RALYL: variants seen among roughly 807,000 people sequenced by gnomAD.
RALYL encodes RALY RNA binding protein like, also known as RNA-binding Raly-like protein.
Under a neutral mutation model 35.1 loss-of-function variants are expected in RALYL, and 29 were observed. The ratio of observed to expected loss-of-function variants is 0.83; its 90% CI spans 0.61 to 1.13. RALYL has a LOEUF of 1.13. Among genes scored for constraint, RALYL ranks in the 50% most tolerant of loss-of-function variants. The pLI is 0.00. For missense variants in RALYL, 359 were observed against 360.4 expected, an observed-to-expected ratio of 1.00 and a Z score of 0.03; for synonymous variants, 120 against 127.6, an observed-to-expected ratio of 0.94 and a Z score of 0.40.
At chr8:84,467,831 A>G (rs1453477400) in intron 1 of RALYL, among the ~76,000 whole-genome samples, 5 of 139,462 alleles carry the variant, frequency 3.6e-5, no homozygotes, top group African/African-American at 1.4e-4. Flanking sequence ...GTGCTCCTGT[A>G]TTGGGTGCAT....
chr8:84,229,138 T>G (rs1010694125), intron 1 of RALYL, among the ~76,000 whole-genome samples: 1 of 152,180 alleles, frequency 6.6e-6, no homozygotes, highest in Non-Finnish European at 1.5e-5. Context: ...ATGCATTTAG[T>G]CAATTAATCA....
At chr8:84,381,440 TC>T (rs541395532) in intron 1 of RALYL, among the ~76,000 whole-genome samples, 57 of 151,984 alleles carry the variant, frequency 3.8e-4, no homozygotes, top group African/African-American at 1.0e-3. Flanking sequence ...TCTTTCAGTT[TC>T]TCCATCTTTC....
At chr8:84,891,050 A>T (rs964240813) in intron 8 of RALYL, among the ~76,000 whole-genome samples, 1 of 152,184 alleles carries the variant, frequency 6.6e-6, no homozygotes, top group Non-Finnish European at 1.5e-5. Context: ...AGGGACCGAG[A>T]TATTTCAGAG....
chr8:84,675,696 A>G (rs895034642), intron 2 of RALYL, among the ~76,000 whole-genome samples: 1 of 152,112 alleles, frequency 6.6e-6, no homozygotes, highest in Admixed American at 6.5e-5. Flanking sequence ...TCACATCCAA[A>G]AAGTTTGTCT....
At chr8:84,910,900 T>G (rs1004706744) in intron 8 of RALYL, among the ~76,000 whole-genome samples, 15 of 152,162 alleles carry the variant, frequency 9.9e-5, no homozygotes, top group African/African-American at 3.6e-4. Context: ...TACCCAGAAT[T>G]TTAAATGATT....
chr8:84,737,571 C>T (rs1766806118), intron 2 of RALYL, among the ~76,000 whole-genome samples: 1 of 151,936 alleles, frequency 6.6e-6, no homozygotes, highest in South Asian at 2.1e-4. Flanking sequence ...ATTAGCCTAA[C>T]TTTAAATCTA....
chr8:84,539,862 A>ATATATATATGTG (rs1564110500), intron 2 of RALYL, among the ~76,000 whole-genome samples: 4 of 58,620 alleles, frequency 6.8e-5, no homozygotes, highest in African/African-American at 2.0e-4. Context: ...ATGTATATAT[A>ATATATATATGTG]TATATATATA....
chr8:84,279,390 A>C (rs1585885728), intron 1 of RALYL, among the ~76,000 whole-genome samples: 1 of 152,170 alleles, frequency 6.6e-6, no homozygotes, highest in African/African-American at 2.4e-5. Flanking sequence ...TGTCCATATT[A>C]AAGAGTTTTT....
intron 1 of RALYL, among the ~76,000 whole-genome samples, chr8:84,303,898 T>C (rs769355688): frequency 3.3e-5 from 5 of 152,296 alleles, no homozygotes; most frequent in Non-Finnish European, 5.9e-5. Context: ...TGACACTTTC[T>C]CTTTTTATTG....
At chr8:84,201,899 C>T (rs192065387) in intron 1 of RALYL, among the ~76,000 whole-genome samples, 1 of 152,006 alleles carries the variant, frequency 6.6e-6, no homozygotes, top group East Asian at 1.9e-4. Context: ...TCTCTTTGTC[C>T]CTAAAAGATA....
At chr8:84,292,954 G>A (rs191798861) in intron 1 of RALYL, among the ~76,000 whole-genome samples, 1 of 152,038 alleles carries the variant, frequency 6.6e-6, no homozygotes, top group African/African-American at 2.4e-5. Context: ...AATCTCCAGT[G>A]AAATAACTCC....
chr8:84,269,556 A>G (rs1198638328), intron 1 of RALYL, among the ~76,000 whole-genome samples: 1 of 152,204 alleles, frequency 6.6e-6, no homozygotes, highest in East Asian at 1.9e-4. Context: ...TATAAACCAC[A>G]TGCTGTCAAT....
At chr8:84,390,926 T>A (rs1860532405) in intron 1 of RALYL, among the ~76,000 whole-genome samples, 1 of 151,986 alleles carries the variant, frequency 6.6e-6, no homozygotes, top group Non-Finnish European at 1.5e-5. Flanking sequence ...AGCAGTCATC[T>A]CAATGTTCAC....
intron 1 of RALYL, among the ~76,000 whole-genome samples, chr8:84,500,359 C>G (rs2056522609): frequency 6.6e-6 from 1 of 152,132 alleles, no homozygotes; most frequent in East Asian, 1.9e-4. Context: ...AAAACATTTA[C>G]ACACACTTAT....
At chr8:84,630,043 G>T (rs1823585058) in intron 2 of RALYL, among the ~76,000 whole-genome samples, 1 of 151,904 alleles carries the variant, frequency 6.6e-6, no homozygotes, top group Non-Finnish European at 1.5e-5. Context: ...ATTACCAAGA[G>T]AAAACATCAT....
At chr8:84,304,547 G>A (rs957977108) in intron 1 of RALYL, among the ~76,000 whole-genome samples, 8 of 151,992 alleles carry the variant, frequency 5.3e-5, no homozygotes, top group African/African-American at 1.7e-4. Context: ...ATAAACACTA[G>A]CACTTTTACA....
At chr8:84,625,930 T>C (rs1310473484) in intron 2 of RALYL, among the ~76,000 whole-genome samples, 1 of 152,070 alleles carries the variant, frequency 6.6e-6, no homozygotes, top group Non-Finnish European at 1.5e-5. Context: ...GTTGTGGTTA[T>C]GTGGAGGGAG....
intron 1 of RALYL, among the ~76,000 whole-genome samples, chr8:84,358,737 G>C (rs1190783574): frequency 6.6e-6 from 1 of 151,992 alleles, no homozygotes; most frequent in Non-Finnish European, 1.5e-5. Context: ...ATTGAAAATT[G>C]CTTAGTTAGA....
chr8:84,298,401 A>T (rs920806660), intron 1 of RALYL, among the ~76,000 whole-genome samples: 1 of 150,960 alleles, frequency 6.6e-6, no homozygotes. Context: ...TTGTGTTTGT[A>T]TTTGTGCCAT....
Sources: allele counts gnomAD v4.1 joint callset (sites outside exome capture counted in the v4.1 genomes callset), GRCh38; gene constraint gnomAD v4.1.1; transcripts MANE v1.5; gene names NCBI Gene and HGNC (gene_info 2026-07-23, HGNC 2026-07-21).